Variants in PPP1R12B observed in about 807,000 individuals in gnomAD.
PPP1R12B encodes protein phosphatase 1 regulatory subunit 12B, also known as myosin phosphatase target subunit 2.
In PPP1R12B, 76 loss-of-function variants were observed where a neutral mutation model predicts 126.1. The ratio of observed to expected loss-of-function variants is 0.60; its 90% CI spans 0.50 to 0.73. The LOEUF (loss-of-function observed/expected upper bound fraction) is 0.73. PPP1R12B is among the 30% of genes least tolerant of loss of function. The pLI is 0.00. For missense variants in PPP1R12B, 1,052 were observed against 1,205.1 expected, an observed-to-expected ratio of 0.87 and a Z score of 1.88; for synonymous variants, 356 against 434.7, an observed-to-expected ratio of 0.82 and a Z score of 2.25.
intron 18 of PPP1R12B, among the ~76,000 whole-genome samples, chr1:202,533,899 T>C (rs775299792): frequency 6.6e-6 from 1 of 152,230 alleles, no homozygotes. Context: ...TACTTTGAGA[T>C]TGTGTAAACT....
At position 202,419,196 on chromosome 1, in the gene PPP1R12B, A is replaced by G. The variant is rs111624957; in HGVS notation, c.422+2279A>G. Among the ~76,000 whole-genome samples the G allele has an allele frequency of 1.8e-3, 278 of 152,272 alleles. 2 individuals are homozygous for G. The highest frequency in any genetic ancestry group is 6.5e-3 in the African/African-American group (270 of 41,548). On this transcript the variant is annotated intron_variant, in intron 2 of 23. Transcript: ENST00000608999. This position sits in a 1 kb window ranked among gnomAD's most constrained non-coding sequence, Gnocchi z 4.6. Reference sequence around the variant, plus strand: ...TTTTTTATGAATAAATGTTTCACTTAGAAGCAGCAGATTGACCCAAACATA... The same window carrying G: ...TTTTTTATGAATAAATGTTTCACTTGGAAGCAGCAGATTGACCCAAACATA...
At chr1:202,525,208 G>C (rs1003933849) in intron 18 of PPP1R12B, among the ~76,000 whole-genome samples, 4 of 152,240 alleles carry the variant, frequency 2.6e-5, no homozygotes, top group Middle Eastern at 3.4e-3. Context: ...GTTGGTTTGA[G>C]ATACCTGTTA....
chr1:202,350,045 CTT>C (rs1655661692), intron 1 of PPP1R12B, among the ~76,000 whole-genome samples: 2 of 152,160 alleles, frequency 1.3e-5, no homozygotes, highest in African/African-American at 4.8e-5. Context: ...CACTCTTAAT[CTT>C]TTGTATTTTT....
intron 23 of PPP1R12B, chr1:202,575,346 A>G (rs1424627691): frequency 1.4e-5 from 9 of 630,034 alleles, no homozygotes; most frequent in Non-Finnish European, 2.3e-5. Flanking sequence ...AGGCAGTGAG[A>G]GAGACCTCAG....
At chr1:202,454,575 G>A (rs1673380290) in intron 13 of PPP1R12B, among the ~76,000 whole-genome samples, 1 of 152,202 alleles carries the variant, frequency 6.6e-6, no homozygotes, top group Admixed American at 6.5e-5. Flanking sequence ...AATTATATTT[G>A]TGTAATATAA....
intron 9 of PPP1R12B, 127 bp from the exon 10 acceptor site, chr1:202,437,694 G>T: frequency 1.3e-6 from 1 of 796,094 alleles, no homozygotes; most frequent in East Asian, 2.7e-5. Flanking sequence ...AGACTGCCAT[G>T]TATTTGTTCT....
intron 1 of PPP1R12B, among the ~76,000 whole-genome samples, chr1:202,371,207 G>T (rs1363325699): frequency 2.2e-5 from 3 of 136,468 alleles, no homozygotes; most frequent in Non-Finnish European, 4.7e-5. Context: ...TTTTTGTAGA[G>T]ACAGAGTCCT....
chr1:202,567,520 A>T, intron 21 of PPP1R12B: 1 of 469,364 alleles, frequency 2.1e-6, no homozygotes, highest in South Asian at 3.5e-5. Context: ...TGTGTGTTGT[A>T]AGTAATTTCT....
chr1:202,356,821 CTTT>C (rs532654783), intron 1 of PPP1R12B, among the ~76,000 whole-genome samples: 3 of 139,782 alleles, frequency 2.1e-5, no homozygotes, highest in Non-Finnish European at 3.1e-5. Context: ...TGATTTCAGA[CTTT>C]TTTTTTTTTT....
chr1:202,450,632 T>C (rs978471506), intron 13 of PPP1R12B, among the ~76,000 whole-genome samples: 4 of 152,218 alleles, frequency 2.6e-5, no homozygotes, highest in Non-Finnish European at 2.9e-5. Context: ...TTTTCTCCAA[T>C]GTATGTTCTT....
chr1:202,571,133 T>C (rs2149031020), intron 23 of PPP1R12B, among the ~76,000 whole-genome samples: 1 of 152,262 alleles, frequency 6.6e-6, no homozygotes, highest in Middle Eastern at 3.4e-3. Context: ...AGGCCCTTTG[T>C]TATTTTTATT....
chr1:202,540,755 T>A (rs971160481), intron 18 of PPP1R12B, among the ~76,000 whole-genome samples: 18 of 152,234 alleles, frequency 1.2e-4, no homozygotes, highest in Middle Eastern at 3.2e-3. Flanking sequence ...TGTATGTCTG[T>A]CTGTGAGAAA....
At position 202,589,163 on chromosome 1, in the gene PPP1R12B, A is replaced by G. The variant is rs1427782519; in HGVS notation, c.*8603A>G. The G allele has an allele frequency of 6.6e-6, 1 of 152,226 alleles. No homozygotes were observed. The highest frequency in any genetic ancestry group is 2.4e-5 in the African/African-American group (1 of 41,450). The allele number at this position is 152,226 out of a possible 1,614,324, so 9.4% of individuals were successfully genotyped here. A position where few individuals can be genotyped will look rare whatever the true frequency, so the allele number is the denominator to read the frequency against. Reference sequence around the variant, plus strand: ...TACAAATGTAGTTAACTTGGGGGCTATTGAAGGTTAAATCTAAACTCAAAA... The same window carrying G: ...TACAAATGTAGTTAACTTGGGGGCTGTTGAAGGTTAAATCTAAACTCAAAA... On this transcript the variant is annotated 3_prime_UTR_variant, in exon 24 of 24. Coordinates refer to ENST00000608999, the MANE Select transcript of PPP1R12B (RefSeq NM_002481.4).
At chr1:202,465,296 C>G (rs1369442798) in intron 13 of PPP1R12B, among the ~76,000 whole-genome samples, 1 of 152,110 alleles carries the variant, frequency 6.6e-6, no homozygotes, top group Non-Finnish European at 1.5e-5. Flanking sequence ...AGGGGTCAGT[C>G]TTCACTGGAT....
intron 18 of PPP1R12B, among the ~76,000 whole-genome samples, chr1:202,543,577 T>G (rs1685338275): frequency 6.6e-6 from 1 of 152,078 alleles, no homozygotes; most frequent in Non-Finnish European, 1.5e-5. Context: ...CCATCTCTAC[T>G]AAAATTACAA....
intron 23 of PPP1R12B, chr1:202,576,569 G>A (rs533978064): frequency 6.6e-6 from 1 of 152,268 alleles, no homozygotes; most frequent in East Asian, 1.9e-4. Context: ...GCCACTGTTA[G>A]GTCCAGACTC....
Position 202,508,626 on chromosome 1 carries a change from T to C in PPP1R12B, c.2490+11804T>C, listed in dbSNP as rs867642290. Among the ~76,000 whole-genome samples the C allele has an allele frequency of 7.9e-5, 12 of 152,164 alleles. No homozygotes were observed. The highest frequency in any genetic ancestry group is 2.9e-4 in the African/African-American group (12 of 41,512). On this transcript the variant is annotated intron_variant, in intron 18 of 23. Coordinates refer to ENST00000608999, the MANE Select transcript of PPP1R12B (RefSeq NM_002481.4). This position sits in a 1 kb window ranked among gnomAD's most constrained non-coding sequence, Gnocchi z 4.5. ...ATACTTTAAGATGGCATTTTAGGAG[T>C]TGGAGGACTTTCAAAAGTGATATGC...
At chr1:202,413,022 G>A (rs1398940140) in intron 1 of PPP1R12B, among the ~76,000 whole-genome samples, 1 of 151,888 alleles carries the variant, frequency 6.6e-6, no homozygotes, top group Non-Finnish European at 1.5e-5. Context: ...TATACTTGTG[G>A]AAGTTGATAA....
chr1:202,451,379 A>T lies in PPP1R12B; in HGVS notation c.1850+2208A>T, dbSNP rs1177285378. Among the ~76,000 whole-genome samples the T allele has an allele frequency of 9.5e-5, 14 of 147,826 alleles. No homozygotes were observed. In the Admixed American group the frequency reaches 9.5e-4, roughly 10 times the overall value. ...TAGGGAGTGGTGATGACTCTTAACGAGCATGCTGCCTTCAAGCATCTGTTT... is the reference window on the plus strand; with the variant it reads ...TAGGGAGTGGTGATGACTCTTAACGTGCATGCTGCCTTCAAGCATCTGTTT... On this transcript the variant is annotated intron_variant, in intron 13 of 23. Transcript: ENST00000608999.
Sources: gnomAD v4.1 joint callset for allele counts (sites outside exome capture counted in the v4.1 genomes callset) on GRCh38, gnomAD v4.1.1 for gene constraint, Gnocchi (gnomAD v3.1) non-coding constraint, MANE v1.5 for transcripts, NCBI Gene and HGNC (gene_info 2026-07-23, HGNC 2026-07-21) for gene names.